DACH1: variants seen among roughly 807,000 people sequenced by gnomAD.
The protein encoded by DACH1 is dachshund homolog 1.
DACH1 carries 12 observed loss-of-function variants against 54.2 expected under a neutral mutation model. That is an observed-to-expected ratio of 0.22 (90% CI 0.14 to 0.36). The LOEUF (loss-of-function observed/expected upper bound fraction) is 0.36. Ranked by LOEUF, DACH1 falls within the 10% of genes least tolerant of loss-of-function variation. The pLI, the probability that DACH1 is intolerant of heterozygous loss-of-function variation, is 1.00. For synonymous variants in DACH1, 386 were observed against 366.2 expected (o/e 1.05, Z -0.62); for missense variants, 805 against 929.8 (o/e 0.87, Z 1.75).
At chr13:71,694,033 C>G (rs1197217407) in intron 1 of DACH1, among the ~76,000 whole-genome samples, 1 of 152,098 alleles carries the variant, frequency 6.6e-6, no homozygotes, top group African/African-American at 2.4e-5. Context: ...GTAAAAAAAC[C>G]TATTAAATCA....
At chr13:71,526,795 G>A (rs1177354435) in intron 6 of DACH1, among the ~76,000 whole-genome samples, 1 of 151,348 alleles carries the variant, frequency 6.6e-6, no homozygotes, top group Admixed American at 6.6e-5. Context: ...TTATGTAAGA[G>A]CAAGGTGGTC....
intron 6 of DACH1, 128 bp downstream of exon 6, chr13:71,556,896 G>C (rs1317834902): frequency 1.0e-6 from 1 of 996,934 alleles, no homozygotes; most frequent in African/African-American, 1.7e-5. Flanking sequence ...ACTTAATATT[G>C]TGGATTTTAA....
chr13:71,861,157 CT>C (rs1168279327), intron 1 of DACH1, among the ~76,000 whole-genome samples: 1 of 151,502 alleles, frequency 6.6e-6, no homozygotes, highest in Non-Finnish European at 1.5e-5. Context: ...CAGATTTGGA[CT>C]AAAAAAATGA....
At chr13:71,520,949 A>G (rs1004920076) in intron 6 of DACH1, among the ~76,000 whole-genome samples, 1 of 152,000 alleles carries the variant, frequency 6.6e-6, no homozygotes, top group African/African-American at 2.4e-5. Flanking sequence ...TAAAGCATAC[A>G]TACATTTAAG....
chr13:71,681,912 T>C lies in DACH1; in HGVS notation c.849-2A>G. 1 of 1,594,400 alleles carries C rather than the reference T, an allele frequency of 6.3e-7. No individual in the cohort carries two copies. Among genetic ancestry groups the C allele is most frequent in the Non-Finnish European group, 8.6e-7 (1 of 1,169,030 alleles). On this transcript the variant is annotated splice_acceptor_variant, in intron 1 of 10. Transcript: ENST00000613252. LOFTEE classifies it high-confidence loss of function. ...TTAGGAGGCCTTCCAGGTCTAGAACTGAAACAAACAAACAAAAAATTTTTA... is the reference window on the plus strand; with the variant it reads ...TTAGGAGGCCTTCCAGGTCTAGAACCGAAACAAACAAACAAAAAATTTTTA...
intron 4 of DACH1, among the ~76,000 whole-genome samples, chr13:71,565,038 C>T (rs191826881): frequency 2.8e-4 from 43 of 152,184 alleles, no homozygotes; most frequent in African/African-American, 8.7e-4. Flanking sequence ...TCTCCTACCT[C>T]AGCCTCTGAG....
At chr13:71,690,045 AG>A (rs1226104988) in intron 1 of DACH1, among the ~76,000 whole-genome samples, 3 of 152,140 alleles carry the variant, frequency 2.0e-5, no homozygotes, top group African/African-American at 7.2e-5. Flanking sequence ...TTATCAGATC[AG>A]GGAGATGGAT....
rs138983324 is a variant in DACH1 at position 71,706,285 on chromosome 13, ATAT to A, written c.849-24378_849-24376del. Among the ~76,000 whole-genome samples, 1,344 of 151,718 alleles carry A rather than the reference ATAT, an allele frequency of 8.9e-3. 24 individuals are homozygous for A. The highest frequency in any genetic ancestry group is 0.03 in the African/African-American group (1,241 of 41,480). ...TATTAATCTTTATATTAATTAAAAC[ATAT>A]TATTAGCCTTTCATCCATTTAAGAA... On this transcript the variant is annotated intron_variant, in intron 1 of 10. Coordinates refer to ENST00000613252, the MANE Select transcript of DACH1 (RefSeq NM_080759.6).
intron 2 of DACH1, among the ~76,000 whole-genome samples, chr13:71,657,576 T>TTA (rs1555307254): frequency 3.5e-5 from 5 of 142,342 alleles, no homozygotes; most frequent in African/African-American, 5.2e-5. Context: ...CTGTCTCAAA[T>TTA]AAAAAAAAAA....
chr13:71,560,023 T>C, intron 4 of DACH1, 68 bp from the exon 5 acceptor site: 1 of 1,409,934 alleles, frequency 7.1e-7, no homozygotes, highest in South Asian at 1.6e-5. Flanking sequence ...ACTTAATGAA[T>C]GTTGTTTTTT....
intron 6 of DACH1, among the ~76,000 whole-genome samples, chr13:71,530,220 A>C (rs1031764884): frequency 6.6e-6 from 1 of 152,198 alleles, no homozygotes; most frequent in Non-Finnish European, 1.5e-5. Flanking sequence ...TTGTTTTACT[A>C]GAAGAGCATG....
At chr13:71,749,000 T>G (rs577947629) in intron 1 of DACH1, among the ~76,000 whole-genome samples, 1 of 150,484 alleles carries the variant, frequency 6.6e-6, no homozygotes, top group Admixed American at 6.7e-5. Flanking sequence ...TATTTCTTTC[T>G]TTCAGATGGA....
intron 10 of DACH1, among the ~76,000 whole-genome samples, chr13:71,466,889 G>T (rs1876630255): frequency 2.8e-5 from 4 of 144,284 alleles, no homozygotes; most frequent in Admixed American, 2.8e-4. Flanking sequence ...TACAAACTAA[G>T]CTCAATCATT....
At chr13:71,683,782 C>T (rs1239005314) in intron 1 of DACH1, among the ~76,000 whole-genome samples, 1 of 152,022 alleles carries the variant, frequency 6.6e-6, no homozygotes, top group Non-Finnish European at 1.5e-5. Flanking sequence ...TGAGTGATCT[C>T]TTCTATTAGC....
intron 1 of DACH1, among the ~76,000 whole-genome samples, chr13:71,856,865 T>G (rs1257884129): frequency 6.6e-6 from 1 of 151,962 alleles, no homozygotes; most frequent in Non-Finnish European, 1.5e-5. Context: ...CATCTCCTTA[T>G]GTAGACCTGC....
intron 3 of DACH1, among the ~76,000 whole-genome samples, chr13:71,597,418 A>C (rs1012477151): frequency 6.6e-6 from 1 of 152,250 alleles, no homozygotes; most frequent in African/African-American, 2.4e-5. Context: ...AAACAGCTGT[A>C]CATGTGTTTT....
chr13:71,492,633 C>G (rs952280794), intron 6 of DACH1, among the ~76,000 whole-genome samples: 2 of 151,770 alleles, frequency 1.3e-5, no homozygotes, highest in Admixed American at 6.6e-5. Flanking sequence ...TTATGGCCAG[C>G]TCTGGAAAAG....
intron 7 of DACH1, 120 bp downstream of exon 7, chr13:71,488,876 GT>G (rs1397638020): frequency 1.1e-6 from 1 of 901,800 alleles, no homozygotes; most frequent in Non-Finnish European, 1.7e-6. Flanking sequence ...TGCTTGAAGA[GT>G]TTAATACCAT....
intron 1 of DACH1, among the ~76,000 whole-genome samples, chr13:71,849,365 C>T (rs7982831): frequency 0.98 from 149,396 of 152,204 alleles, 73,380 homozygotes; most frequent in East Asian, 1. Flanking sequence ...TACTGTGAAC[C>T]CCTGCACAGT....
Sources: gnomAD v4.1 joint callset for allele counts (sites outside exome capture counted in the v4.1 genomes callset) on GRCh38, gnomAD v4.1.1 for gene constraint, MANE v1.5 for transcripts, NCBI Gene and HGNC (gene_info 2026-07-23, HGNC 2026-07-21) for gene names.